Variants in CDH10 observed in about 807,000 individuals in gnomAD.
The protein encoded by CDH10 is cadherin-10.
A neutral mutation model predicts 73.1 loss-of-function variants in CDH10; 30 were observed. That is an observed-to-expected ratio of 0.41 (90% CI 0.31 to 0.56). CDH10 has a LOEUF of 0.56. Ranked by LOEUF, CDH10 falls within the 20% of genes least tolerant of loss-of-function variation. The pLI is 0.27. For missense variants in CDH10, 815 were observed against 973.7 expected (o/e 0.84, Z 2.17); for synonymous variants, 345 against 348.2 (o/e 0.99, Z 0.10).
At chr5:24,617,855 C>T (rs919737950) in intron 1 of CDH10, among the ~76,000 whole-genome samples, 3 of 152,132 alleles carry the variant, frequency 2.0e-5, no homozygotes, top group Non-Finnish European at 2.9e-5. Flanking sequence ...TCAATATAAC[C>T]GTAAACCCAA....
chr5:24,505,207 T>C lies in CDH10; in HGVS notation c.1298A>G (p.Asn433Ser), dbSNP rs1310063595. 6.2e-7 allele frequency: 1 copy of C among 1,612,888 alleles called. No homozygotes were observed. Among genetic ancestry groups the C allele is most frequent in the Admixed American group, 1.7e-5 (1 of 60,018 alleles). ...AAGAGATCCATTTCCTGAATGAATGTTAAAGATTCTGTCAAGGTCAGTATG... is the reference window on the plus strand; with the variant it reads ...AAGAGATCCATTTCCTGAATGAATGCTAAAGATTCTGTCAAGGTCAGTATG... The part of the protein sequence containing the change: ...DRHTDLDRIF[N>S]IHSGNGSLYT... The change falls in exon 8 of 12, where the codon AAC (asparagine) becomes AGC (serine). Residue 433 changes from asparagine to serine, a missense_variant. Physicochemically the swap from Asn to Ser is conservative, Grantham distance 46. Coordinates refer to ENST00000264463, the MANE Select transcript of CDH10 (RefSeq NM_006727.5).
chr5:24,604,896 C>CAAAAAAAAA (rs1303421458), intron 1 of CDH10, among the ~76,000 whole-genome samples: 1 of 131,378 alleles, frequency 7.6e-6, no homozygotes, highest in African/African-American at 3.3e-5. Context: ...AAAAAAAAAA[C>CAAAAAAAAA]AAAAACAAAC....
At chr5:24,561,356 A>C (rs1296230106) in intron 2 of CDH10, among the ~76,000 whole-genome samples, 5 of 152,150 alleles carry the variant, frequency 3.3e-5, no homozygotes, top group Non-Finnish European at 7.4e-5. Context: ...AGACAAATAA[A>C]ATTAAAAATA....
intron 1 of CDH10, among the ~76,000 whole-genome samples, chr5:24,638,302 A>C (rs1158861455): frequency 1.3e-5 from 2 of 151,874 alleles, no homozygotes; most frequent in African/African-American, 4.8e-5. Flanking sequence ...ACAGTTAGCT[A>C]GAAGACAAGA....
At chr5:24,569,720 G>C (rs1745298489) in intron 2 of CDH10, among the ~76,000 whole-genome samples, 1 of 150,710 alleles carries the variant, frequency 6.6e-6, no homozygotes, top group African/African-American at 2.4e-5. Context: ...CCTTATTGGG[G>C]AGATTCACTG....
chr5:24,559,620 G>A (rs2111982618), intron 2 of CDH10, among the ~76,000 whole-genome samples: 1 of 152,076 alleles, frequency 6.6e-6, no homozygotes, highest in East Asian at 1.9e-4. Context: ...CTGATATTGT[G>A]AAATTGTGGT....
intron 1 of CDH10, among the ~76,000 whole-genome samples, chr5:24,625,174 A>C: frequency 6.6e-6 from 1 of 152,186 alleles, no homozygotes; most frequent in East Asian, 1.9e-4. Context: ...TAAAAGGTTT[A>C]GATAAAAAAC....
Position 24,593,357 on chromosome 5 carries a change from T to C in CDH10, c.134A>G (p.Asp45Gly), listed in dbSNP as rs758764492. Reference sequence around the variant, plus strand: ...TTTTTGACGATGGAGAATTTTGCCATCACTCCTTGGTACACGTGAACTTAA... The same window carrying C: ...TTTTTGACGATGGAGAATTTTGCCACCACTCCTTGGTACACGTGAACTTAA... ...RILSSRVPRSDGKILHRQKRG... is the reference protein window; with the variant it reads ...RILSSRVPRSGGKILHRQKRG... Residue 45 changes from aspartate (D) to glycine (G), a missense_variant, in exon 2 of 12, where the codon GAT becomes GGT. This residue lies in a region of CDH10 where 58 missense variants were observed against 96.7 expected (regional missense o/e 0.60). Coordinates refer to ENST00000264463, the MANE Select transcript of CDH10 (RefSeq NM_006727.5). The C allele has an allele frequency of 1.9e-6, 3 of 1,613,094 alleles. No individual in the cohort carries two copies. Among genetic ancestry groups the C allele is most frequent in the Non-Finnish European group, 1.7e-6 (2 of 1,179,178 alleles).
intron 1 of CDH10, among the ~76,000 whole-genome samples, chr5:24,638,240 T>C (rs752620905): frequency 1.4e-4 from 21 of 151,748 alleles, no homozygotes; most frequent in African/African-American, 1.7e-4. Flanking sequence ...TAAAATATTA[T>C]GTAGAACTAT....
At chr5:24,610,824 A>C (rs1746918650) in intron 1 of CDH10, among the ~76,000 whole-genome samples, 2 of 152,180 alleles carry the variant, frequency 1.3e-5, no homozygotes, top group Admixed American at 1.3e-4. Context: ...GAAAGTGGGG[A>C]AGCTGCACCT....
chr5:24,511,987 C>T (rs1011333383), intron 5 of CDH10, among the ~76,000 whole-genome samples: 2 of 151,920 alleles, frequency 1.3e-5, no homozygotes, highest in African/African-American at 4.8e-5. Flanking sequence ...CTACTTGAGG[C>T]TGGAGGGTGG....
chr5:24,495,112 A>G (rs1742221116), intron 9 of CDH10, among the ~76,000 whole-genome samples: 1 of 152,184 alleles, frequency 6.6e-6, no homozygotes, highest in African/African-American at 2.4e-5. Flanking sequence ...AACAGATATC[A>G]GAACTTGGCA....
chr5:24,513,992 C>T (rs1000485529), intron 5 of CDH10, among the ~76,000 whole-genome samples: 6 of 152,124 alleles, frequency 3.9e-5, no homozygotes, highest in Admixed American at 6.5e-5. Context: ...TTGTATGGAA[C>T]ATAAGAATGT....
chr5:24,562,058 C>G (rs2111990420), intron 2 of CDH10, among the ~76,000 whole-genome samples: 1 of 151,848 alleles, frequency 6.6e-6, no homozygotes, highest in South Asian at 2.1e-4. Flanking sequence ...AAATACTGTG[C>G]AACAGTTAGA....
intron 5 of CDH10, among the ~76,000 whole-genome samples, chr5:24,512,616 A>C (rs997657511): frequency 2.0e-5 from 3 of 152,162 alleles, no homozygotes; most frequent in African/African-American, 7.2e-5. Flanking sequence ...AATACTGACA[A>C]ACTCCCCTTC....
intron 7 of CDH10, among the ~76,000 whole-genome samples, chr5:24,507,093 C>T (rs1043794734): frequency 6.6e-6 from 1 of 151,964 alleles, no homozygotes; most frequent in Non-Finnish European, 1.5e-5. Flanking sequence ...TAAGAAAATC[C>T]CTTTGATTAC....
chr5:24,527,601 T>C (rs1034729988), intron 5 of CDH10, among the ~76,000 whole-genome samples: 1 of 151,856 alleles, frequency 6.6e-6, no homozygotes, highest in African/African-American at 2.4e-5. Flanking sequence ...GCTACAAACC[T>C]GTACAGCATG....
chr5:24,547,428 A>G (rs577312093), intron 2 of CDH10, among the ~76,000 whole-genome samples: 4 of 152,180 alleles, frequency 2.6e-5, no homozygotes, highest in South Asian at 2.1e-4. Context: ...GAATTTGCCA[A>G]TTCTTGGCCA....
intron 2 of CDH10, among the ~76,000 whole-genome samples, chr5:24,561,045 G>T (rs971983077): frequency 6.6e-6 from 1 of 152,082 alleles, no homozygotes; most frequent in East Asian, 1.9e-4. Context: ...TTGCAATAGT[G>T]TTGAGTAGAT....
Sources: allele counts gnomAD v4.1 joint callset (sites outside exome capture counted in the v4.1 genomes callset), GRCh38; gene constraint gnomAD v4.1.1; regional missense constraint gnomAD v4.1.1; transcripts MANE v1.5; gene names NCBI Gene and HGNC (gene_info 2026-07-23, HGNC 2026-07-21).